Variants in SGCB observed in about 807,000 individuals in gnomAD.
SGCB encodes beta-sarcoglycan.
SGCB carries 25 observed loss-of-function variants against 27.3 expected under a neutral mutation model. That is an observed-to-expected ratio of 0.92 (90% CI 0.67 to 1.28). The LOEUF (loss-of-function observed/expected upper bound fraction) is 1.28, where lower values mean the gene tolerates loss of function less well. Among genes scored for constraint, SGCB ranks in the 50% most tolerant of loss-of-function variants. SGCB has a pLI of 0.00. For missense variants in SGCB, 436 were observed against 402.1 expected (o/e 1.08, Z -0.72); for synonymous variants, 147 against 133.5 (o/e 1.10, Z -0.70).
chr4:52,024,211 A>G (rs760077579), intron 5 of SGCB, 51 bp from the exon 6 acceptor site: 10 of 1,431,644 alleles, frequency 7.0e-6, no homozygotes, highest in Non-Finnish European at 7.8e-6. Context: ...GGGGGTACAG[A>G]ACAAAGTCAG....
At position 52,024,075 on chromosome 4, in the gene SGCB, C is replaced by T. The variant is rs1399889282; in HGVS notation, c.839G>A (p.Gly280Asp). ...SSSSGDQLGS[G>D]DWVRYKLCMC... ...GCAGAGCTTGTAGCGTACCCAGTCACCACTACCCAACTGGTCTCCACTGGA... is the reference window on the plus strand; with the variant it reads ...GCAGAGCTTGTAGCGTACCCAGTCATCACTACCCAACTGGTCTCCACTGGA... The change falls in exon 6 of 6, where the codon GGT becomes GAT. Residue 280 changes from glycine to aspartate, a missense_variant. Transcript: ENST00000381431. 1 of 1,613,940 alleles carries T rather than the reference C, an allele frequency of 6.2e-7. No homozygotes were observed. Among genetic ancestry groups the T allele is most frequent in the South Asian group, 1.1e-5 (1 of 91,068 alleles).
At chr4:52,036,485 T>A (rs1011660399) in intron 1 of SGCB, among the ~76,000 whole-genome samples, 2 of 152,208 alleles carry the variant, frequency 1.3e-5, no homozygotes, top group African/African-American at 4.8e-5. Flanking sequence ...AGGTTTCCTA[T>A]ACAATCAGAT....
In SGCB at chr4:52,024,002, G is replaced by T. The variant is rs1335871461; in HGVS notation, c.912C>A (p.Asn304Lys). 1 of 1,614,166 alleles carries T rather than the reference G, an allele frequency of 6.2e-7. No homozygotes were observed. Among genetic ancestry groups the T allele is most frequent in the Admixed American group, 1.7e-5 (1 of 60,028 alleles). The change falls in exon 6 of 6, where the codon AAC becomes AAA. Residue 304 changes from asparagine (N) to lysine (K), a missense_variant. Coordinates refer to ENST00000381431, the MANE Select transcript of SGCB (RefSeq NM_000232.5). ...GGTTGTCTGAGATTTGGCAGCCCAT[G>T]TTCTGGCTGGTTACTTGCACCTTGA... ...TLFKVQVTSQ[N>K]MGCQISDNPC...
At position 52,033,489 on chromosome 4, in the gene SGCB, C is replaced by A; in HGVS notation, c.185G>T (p.Gly62Val). 1 of 1,613,808 alleles carries A rather than the reference C, an allele frequency of 6.2e-7. No individual in the cohort carries two copies. The stretch of plus-strand genomic sequence containing the variant: ...GATAATCACACAGATGGCTAAATTG[C>A]CCTTTCTTCCTCTCAACCCTGTTTT... Reference protein sequence around the residue: ...LHKTGLRGRKGNLAICVIILL... With the variant: ...LHKTGLRGRKVNLAICVIILL... The change falls in exon 2 of 6, where the codon GGC becomes GTC. Residue 62 changes from glycine (G) to valine (V), a missense_variant. Physicochemically the swap from Gly to Val is moderately radical, Grantham distance 109 (BLOSUM62 -3). Transcript: ENST00000381431.
chr4:52,025,285 T>G (rs992966885), intron 5 of SGCB, among the ~76,000 whole-genome samples: 2 of 152,020 alleles, frequency 1.3e-5, no homozygotes, highest in African/African-American at 4.8e-5. Flanking sequence ...TAAAGCAGGA[T>G]AAGTAGAGAG....
Position 52,038,254 on chromosome 4 carries a change from CG to C in SGCB, c.5del (p.Ala2GlyfsTer17). On this transcript the variant is annotated frameshift_variant, in exon 1 of 6. Transcript: ENST00000381431. LOFTEE classifies it high-confidence loss of function. ...GTTCTGCAGCCGCCGCCGCCGCTGCCGCCATCTTCCCGCGCCCGCCGCCGCC... is the reference window on the plus strand; with the variant it reads ...GTTCTGCAGCCGCCGCCGCCGCTGCCCCATCTTCCCGCGCCCGCCGCCGCC... M[A>X]AAAAAAAEQQ... 7.7e-7 allele frequency: 1 copy of C among 1,297,962 alleles called. No individual in the cohort carries two copies. The highest frequency in any genetic ancestry group is 9.8e-7 in the Non-Finnish European group (1 of 1,019,974). 80.4% of individuals were successfully genotyped at this position (1,297,962 alleles called of 1,614,324 possible). A position where few individuals can be genotyped will look rare whatever the true frequency, so the allele number is the denominator to read the frequency against.
At chr4:52,036,049 G>C (rs1737383340) in intron 1 of SGCB, among the ~76,000 whole-genome samples, 2 of 152,202 alleles carry the variant, frequency 1.3e-5, no homozygotes, top group South Asian at 4.1e-4. Flanking sequence ...GGCCAGTCAG[G>C]TAGACAGACA....
rs768400028 is a variant in SGCB at position 52,024,176 on chromosome 4, T to C, written c.754-16A>G. 3 of 1,596,538 alleles carry C rather than the reference T, an allele frequency of 1.9e-6. No individual in the cohort carries two copies. In the Admixed American group the frequency reaches 5.0e-5, roughly 27 times the overall value. ...TACTGTTTTCCTATTAGGAGAATAG[T>C]AATATGATTTATTTACCTCCATGAG... is the stretch of plus-strand genomic sequence containing the variant. On this transcript the variant is annotated splice_polypyrimidine_tract_variant and intron_variant, in intron 5 of 5. Coordinates refer to ENST00000381431, the MANE Select transcript of SGCB (RefSeq NM_000232.5).
chr4:52,022,254 T>C lies in SGCB; in HGVS notation c.*1703A>G, dbSNP rs1470917231. 3 of 152,238 alleles carry C rather than the reference T, an allele frequency of 2.0e-5. No individual in the cohort carries two copies. Among genetic ancestry groups the C allele is most frequent in the Non-Finnish European group, 2.9e-5 (2 of 68,050 alleles). The allele number at this position is 152,238 out of a possible 1,614,324, so 9.4% of individuals were successfully genotyped here. The stretch of plus-strand genomic sequence containing the variant: ...TATAAATTAATGACTTCATAATCTC[T>C]AAGGTATTTGATTTTTCTACCAGAG... On this transcript the variant is annotated 3_prime_UTR_variant, in exon 6 of 6. Transcript: ENST00000381431.
In SGCB at chr4:52,038,246, G is replaced by GCCGCTGCCGCCATCTTCCCGCGC; in HGVS notation, c.-10_13dup (p.Ala5GlyfsTer22). ...ACAGACCTGTTCTGCAGCCGCCGCCGCCGCTGCCGCCATCTTCCCGCGCCC... is the reference window on the plus strand; with the variant it reads ...ACAGACCTGTTCTGCAGCCGCCGCCGCCGCTGCCGCCATCTTCCCGCGCCCGCTGCCGCCATCTTCCCGCGCCC... On this transcript the variant is annotated frameshift_variant, in exon 1 of 6. Transcript: ENST00000381431. LOFTEE classifies it high-confidence loss of function. 1 of 1,292,932 alleles carries GCCGCTGCCGCCATCTTCCCGCGC rather than the reference G, an allele frequency of 7.7e-7. No homozygotes were observed. The highest frequency in any genetic ancestry group is 9.8e-7 in the Non-Finnish European group (1 of 1,016,742). 80.1% of individuals were successfully genotyped at this position (1,292,932 alleles called of 1,614,324 possible).
rs1317582979 is a variant in SGCB, at chr4:52,023,972, A to G, written c.942T>C (p.Cys314=). Residue 314 remains cysteine (C), a synonymous_variant, in exon 6 of 6, where the codon TGT becomes TGC. Transcript: ENST00000381431. The part of the protein sequence containing the change: ...NMGCQISDNP[C]GNTH The stretch of plus-strand genomic sequence containing the variant: ...TGGGGTTCTTTTAATGAGTGTTTCC[A>G]CAGGGGTTGTCTGAGATTTGGCAGC... 6.2e-7 allele frequency: 1 copy of G among 1,614,154 alleles called. No homozygotes were observed. Among genetic ancestry groups the G allele is most frequent in the South Asian group, 1.1e-5 (1 of 91,082 alleles).
intron 3 of SGCB, 60 bp downstream of exon 3, chr4:52,029,618 G>C (rs2109371726): frequency 8.8e-7 from 1 of 1,137,292 alleles, no homozygotes; most frequent in South Asian, 1.2e-5. Flanking sequence ...TTTTTGCAAA[G>C]TATTTTTCTC....
intron 1 of SGCB, among the ~76,000 whole-genome samples, chr4:52,036,440 C>G (rs1052173664): frequency 2.0e-5 from 3 of 152,170 alleles, no homozygotes; most frequent in Non-Finnish European, 4.4e-5. Context: ...GGACTTTATC[C>G]TGAAGGCAAA....
rs777698793 is a variant in SGCB at position 52,028,083 on chromosome 4, G to A, written c.638C>T (p.Thr213Ile). The A allele has an allele frequency of 9.9e-6, 16 of 1,612,428 alleles. No individual in the cohort carries two copies. Among genetic ancestry groups the A allele is most frequent in the Non-Finnish European group, 8.5e-7 (1 of 1,178,790 alleles). Residue 213 changes from threonine to isoleucine, a missense_variant, in exon 5 of 6, where the codon ACC (threonine) becomes ATC (isoleucine). Coordinates refer to ENST00000381431, the MANE Select transcript of SGCB (RefSeq NM_000232.5). ...ATCAACTTTTATATTTAAATCACTGGTAGCATTGCTGGTAATCTGAAAATT... is the reference window on the plus strand; with the variant it reads ...ATCAACTTTTATATTTAAATCACTGATAGCATTGCTGGTAATCTGAAAATT... ...ASTERITSNATSDLNIKVDGR... is the reference protein window; with the variant it reads ...ASTERITSNAISDLNIKVDGR...
chr4:52,029,358 T>C (rs191636888), intron 3 of SGCB, among the ~76,000 whole-genome samples: 2 of 152,342 alleles, frequency 1.3e-5, no homozygotes, highest in East Asian at 1.9e-4. Context: ...CTTCCTCATA[T>C]GGAGGAGAAA....
chr4:52,037,483 G>A (rs1322556791), intron 1 of SGCB, among the ~76,000 whole-genome samples: 4 of 152,094 alleles, frequency 2.6e-5, no homozygotes, highest in South Asian at 2.1e-4. Context: ...TTAGGTAAGG[G>A]GGAAAGTTAC....
At chr4:52,036,308 G>A (rs1737390795) in intron 1 of SGCB, among the ~76,000 whole-genome samples, 1 of 152,184 alleles carries the variant, frequency 6.6e-6, no homozygotes, top group Non-Finnish European at 1.5e-5. Context: ...ATCTCTGGGA[G>A]AACTAATTTT....
At chr4:52,025,519 G>A (rs778127654) in intron 5 of SGCB, among the ~76,000 whole-genome samples, 2 of 152,204 alleles carry the variant, frequency 1.3e-5, no homozygotes, top group East Asian at 1.9e-4. Context: ...GAAGAAGCAC[G>A]GAGGGTGAAG....
chr4:52,033,394 C>G (rs758541445), intron 2 of SGCB, 37 bp downstream of exon 2: 4 of 1,371,006 alleles, frequency 2.9e-6, no homozygotes, highest in Non-Finnish European at 4.2e-6. Context: ...AAAAATTCCC[C>G]ATGGCAATTA....
Sources: gnomAD v4.1 joint callset for allele counts (sites outside exome capture counted in the v4.1 genomes callset) on GRCh38, gnomAD v4.1.1 for gene constraint, MANE v1.5 for transcripts, NCBI Gene and HGNC (gene_info 2026-07-23, HGNC 2026-07-21) for gene names.